The following MBD5 variants were observed in gnomAD, a reference collection of about 807,000 sequenced individuals.
The protein encoded by MBD5 is methyl-CpG-binding domain protein 5.
A neutral mutation model predicts 117.3 loss-of-function variants in MBD5; 13 were observed. That is an observed-to-expected ratio of 0.11 (90% CI 0.07 to 0.18). The LOEUF is 0.18. Ranked by LOEUF, MBD5 falls within the 10% of genes least tolerant of loss-of-function variation. MBD5 has a pLI of 1.00. For missense variants in MBD5, 1,879 were observed against 2,093.8 expected, an observed-to-expected ratio of 0.90 and a Z score of 2.00; for synonymous variants, 727 against 766.4, an observed-to-expected ratio of 0.95 and a Z score of 0.85.
chr2:148,483,867 T>G lies in MBD5; in HGVS notation c.3276T>G (p.Gly1092=), dbSNP rs1373493513. 1.3e-6 allele frequency: 2 copies of G among 1,550,416 alleles called. No homozygotes were observed. The highest frequency in any genetic ancestry group is 3.9e-5 in the Admixed American group (2 of 50,974). The stretch of plus-strand genomic sequence containing the variant: ...CCTTGAATCCCCAGCTGTTGGGAGG[T>G]GTCCTGAACTCGGCATCGGCCAACA... ...LMTLNPQLLG[G]VLNSASANTA... is the part of the protein sequence containing the mutation. The change falls in exon 9 of 14, where the codon GGT becomes GGG. Residue 1092 remains glycine (G), a synonymous_variant. Transcript: ENST00000642680.
intron 4 of MBD5, among the ~76,000 whole-genome samples, chr2:148,448,680 T>C (rs1174778108): frequency 1.3e-5 from 2 of 152,042 alleles, no homozygotes; most frequent in Non-Finnish European, 2.9e-5. Context: ...TTAGTGTATA[T>C]ATAAATACAC....
rs930998533 is a variant in MBD5 at position 148,032,101 on chromosome 2, T to C, written c.-925+10417T>C. On this transcript the variant is annotated intron_variant, in intron 1 of 13. Coordinates refer to ENST00000642680, the MANE Select transcript of MBD5 (RefSeq NM_001378120.1). ...TGTATTTTTTTTAGCTAAAATGTCA[T>C]AGTGAATTTCTTTAAACGGTGGTTA... Among the ~76,000 whole-genome samples, 15 of 152,138 alleles carry C rather than the reference T, an allele frequency of 9.9e-5. 1 individual carries two copies. The highest frequency in any genetic ancestry group is 1.5e-5 in the Non-Finnish European group (1 of 67,980).
intron 4 of MBD5, among the ~76,000 whole-genome samples, chr2:148,405,933 G>T (rs1313826042): frequency 6.6e-6 from 1 of 152,048 alleles, no homozygotes; most frequent in Non-Finnish European, 1.5e-5. Flanking sequence ...AGCCTGGGCA[G>T]CATGGTGAAA....
At chr2:148,237,196 C>G (rs1700109194) in intron 3 of MBD5, among the ~76,000 whole-genome samples, 1 of 152,180 alleles carries the variant, frequency 6.6e-6, no homozygotes, top group Admixed American at 6.5e-5. Flanking sequence ...GTTTTTCTTT[C>G]TTATCATTCA....
At chr2:148,253,866 G>C (rs1414145477) in intron 3 of MBD5, among the ~76,000 whole-genome samples, 1 of 152,186 alleles carries the variant, frequency 6.6e-6, no homozygotes, top group Admixed American at 6.5e-5. Context: ...TGTGACTCAC[G>C]TGACATGGTT....
At chr2:148,457,408 G>T (rs932887676) in intron 4 of MBD5, among the ~76,000 whole-genome samples, 3 of 152,074 alleles carry the variant, frequency 2.0e-5, no homozygotes, top group Non-Finnish European at 4.4e-5. Context: ...ACTAACAAAT[G>T]TGAAGTTGCA....
chr2:148,228,552 T>G (rs1032791901), intron 2 of MBD5, among the ~76,000 whole-genome samples: 10 of 152,278 alleles, frequency 6.6e-5, no homozygotes, highest in South Asian at 2.1e-4. Context: ...TGTTCATCAA[T>G]GATATTGGTC....
chr2:148,147,762 C>T (rs1697504743), intron 1 of MBD5, among the ~76,000 whole-genome samples: 1 of 152,062 alleles, frequency 6.6e-6, no homozygotes, highest in African/African-American at 2.4e-5. Context: ...AGTACGTTTC[C>T]CTGCCTTTGT....
At chr2:148,395,418 C>A (rs1704680371) in intron 4 of MBD5, among the ~76,000 whole-genome samples, 1 of 146,316 alleles carries the variant, frequency 6.8e-6, no homozygotes, top group East Asian at 2.1e-4. Context: ...TCCATTGGCC[C>A]AACTCATCTT....
intron 1 of MBD5, among the ~76,000 whole-genome samples, chr2:148,031,890 A>G (rs1350142149): frequency 6.6e-6 from 1 of 152,114 alleles, no homozygotes. Flanking sequence ...ACTATAAATC[A>G]TCTATAAATG....
chr2:148,172,498 C>T (rs1698286328), intron 1 of MBD5, among the ~76,000 whole-genome samples: 3 of 152,188 alleles, frequency 2.0e-5, no homozygotes, highest in Admixed American at 6.5e-5. Context: ...GTGGCTGGGG[C>T]AGGCCTGTTG....
chr2:148,407,976 A>T (rs1288717265), intron 4 of MBD5, among the ~76,000 whole-genome samples: 1 of 152,184 alleles, frequency 6.6e-6, no homozygotes, highest in Non-Finnish European at 1.5e-5. Flanking sequence ...ATGCTCCCAC[A>T]CATTACATAA....
intron 1 of MBD5, among the ~76,000 whole-genome samples, chr2:148,143,951 C>T (rs1296566408): frequency 6.6e-6 from 1 of 152,008 alleles, no homozygotes; most frequent in Non-Finnish European, 1.5e-5. Flanking sequence ...GATTTATAAT[C>T]CTTTGGGTAT....
chr2:148,274,717 G>GTTTTTT (rs199569391), intron 3 of MBD5, among the ~76,000 whole-genome samples: 1 of 109,854 alleles, frequency 9.1e-6, no homozygotes, highest in Non-Finnish European at 2.0e-5. Context: ...AATTAATTGA[G>GTTTTTT]TTTTTTTGTT....
rs146813364 is a variant in MBD5 at position 148,440,657 on chromosome 2, A to AT, written c.-556-17545dup. Among the ~76,000 whole-genome samples the AT allele has an allele frequency of 1.3e-3, 191 of 152,366 alleles. 2 individuals are homozygous for AT. In the East Asian group the frequency reaches 0.035, roughly 28 times the overall value. On this transcript the variant is annotated intron_variant, in intron 4 of 13. Coordinates refer to ENST00000642680, the MANE Select transcript of MBD5 (RefSeq NM_001378120.1). Reference sequence around the variant, plus strand: ...ACTTAAAGCACATTGTTTGCATACTATGTACCTGACAATTTGTTTGGAAAC... The same window carrying AT: ...ACTTAAAGCACATTGTTTGCATACTATTGTACCTGACAATTTGTTTGGAAAC...
At chr2:148,057,108 A>ATTT in intron 1 of MBD5, among the ~76,000 whole-genome samples, 1 of 151,810 alleles carries the variant, frequency 6.6e-6, no homozygotes, top group East Asian at 1.9e-4. Context: ...GTTCTCGAAT[A>ATTT]ACCCTGTAAT....
intron 12 of MBD5, among the ~76,000 whole-genome samples, chr2:148,507,692 G>A (rs930350334): frequency 2.6e-5 from 4 of 151,680 alleles, no homozygotes; most frequent in African/African-American, 9.7e-5. Flanking sequence ...CCCGGGAGGC[G>A]GAGCTTGCAG....
Position 148,489,559 on chromosome 2 carries a change from T to A in MBD5, c.3927T>A (p.Val1309=), listed in dbSNP as rs1574484414. 6.2e-7 allele frequency: 1 copy of A among 1,614,036 alleles called. No homozygotes were observed. ...GTCAACAGGTGAAGGATGGCCTCGT[T>A]GTGGGTGGCCCAGGTGATGCTTCCG... is the stretch of plus-strand genomic sequence containing the variant. ...SLGQQVKDGL[V]VGGPGDASVD... is the part of the protein sequence containing the mutation. The change falls in exon 11 of 14, where the codon GTT becomes GTA. Residue 1309 remains valine, a synonymous_variant. Coordinates refer to ENST00000642680, the MANE Select transcript of MBD5 (RefSeq NM_001378120.1).
At chr2:148,072,638 A>G (rs973023856) in intron 1 of MBD5, among the ~76,000 whole-genome samples, 6 of 152,170 alleles carry the variant, frequency 3.9e-5, no homozygotes, top group African/African-American at 7.2e-5. Context: ...ATGTGAATTA[A>G]TTGTTGCATG....
Sources: gnomAD v4.1 joint callset for allele counts (sites outside exome capture counted in the v4.1 genomes callset) on GRCh38, gnomAD v4.1.1 for gene constraint, MANE v1.5 for transcripts, NCBI Gene and HGNC (gene_info 2026-07-23, HGNC 2026-07-21) for gene names.